The following CPNE3 variants were observed in gnomAD, a reference collection of about 807,000 sequenced individuals.
CPNE3 encodes the protein copine-3.
A neutral mutation model predicts 63.9 loss-of-function variants in CPNE3; 68 were observed. The observed-to-expected ratio is 1.06, with a 90% CI of 0.87 to 1.30. The LOEUF (loss-of-function observed/expected upper bound fraction) is 1.30. Ranked by LOEUF, CPNE3 falls within the 50% of genes most tolerant of loss-of-function variation. The pLI is 0.00. For synonymous variants in CPNE3, 219 were observed against 197.5 expected, an observed-to-expected ratio of 1.11 and a Z score of -0.91; for missense variants, 665 against 578.1, an observed-to-expected ratio of 1.15 and a Z score of -1.54.
At chr8:86,552,435 G>A (rs1821203008) in intron 14 of CPNE3, among the ~76,000 whole-genome samples, 1 of 152,122 alleles carries the variant, frequency 6.6e-6, no homozygotes, top group African/African-American at 2.4e-5. Context: ...TTTTTATAAT[G>A]AAAGTGGATA....
chr8:86,546,321 T>C (rs1446921122), intron 9 of CPNE3, among the ~76,000 whole-genome samples: 2 of 152,134 alleles, frequency 1.3e-5, no homozygotes, highest in African/African-American at 4.8e-5. Flanking sequence ...CCTTGGAACA[T>C]TTGCAAGGAA....
chr8:86,527,053 T>C (rs1310975385), intron 2 of CPNE3, among the ~76,000 whole-genome samples: 2 of 152,204 alleles, frequency 1.3e-5, no homozygotes, highest in Admixed American at 6.5e-5. Context: ...GCTTAGGCAT[T>C]TTATACAGCA....
intron 6 of CPNE3, among the ~76,000 whole-genome samples, chr8:86,533,061 T>G (rs1820719785): frequency 6.6e-6 from 1 of 151,646 alleles, no homozygotes; most frequent in African/African-American, 2.4e-5. Flanking sequence ...TCTATCTATC[T>G]ATCTATCTTT....
Position 86,558,496 on chromosome 8 carries a change from A to G in CPNE3, c.*86A>G, listed in dbSNP as rs1821371442. 3.6e-6 allele frequency: 3 copies of G among 843,460 alleles called. No individual in the cohort carries two copies. Among genetic ancestry groups the G allele is most frequent in the South Asian group, 2.7e-5 (2 of 74,776 alleles). 52.2% of individuals were successfully genotyped at this position (843,460 alleles called of 1,614,324 possible). On this transcript the variant is annotated 3_prime_UTR_variant, in exon 17 of 17. Transcript: ENST00000517490. ...GTATCTGTCATTCTACGTACTTTTT[A>G]CCCCCAGCATTTATGATGTAAATCT...
chr8:86,532,615 A>G (rs1335495779), intron 6 of CPNE3, 35 bp downstream of exon 6: 1 of 1,550,604 alleles, frequency 6.4e-7, no homozygotes, highest in Admixed American at 1.9e-5. Context: ...AAAGGTTGTC[A>G]TGTTTTGCCT....
intron 8 of CPNE3, among the ~76,000 whole-genome samples, chr8:86,543,310 G>A (rs905439611): frequency 3.3e-5 from 5 of 151,972 alleles, no homozygotes; most frequent in African/African-American, 4.8e-5. Context: ...TGAAATTCTC[G>A]GTCTTGACTG....
chr8:86,534,733 T>C (rs1586836717), intron 6 of CPNE3, among the ~76,000 whole-genome samples: 1 of 152,316 alleles, frequency 6.6e-6, no homozygotes, highest in East Asian at 1.9e-4. Flanking sequence ...CAAGAATCTT[T>C]CTATAGAGAG....
At position 86,548,419 on chromosome 8, in the gene CPNE3, T is replaced by A. The variant is rs200604331; in HGVS notation, c.998T>A (p.Ile333Asn). The A allele has an allele frequency of 1.9e-6, 3 of 1,614,146 alleles. No individual in the cohort carries two copies. In the African/African-American group the frequency reaches 4.0e-5, roughly 22 times the overall value. ...LTALWSVGLV[I>N]QDYDADKMFP... ...GCTCTCTGGTCTGTGGGACTGGTCATTCAAGATTATGATGCGTGAGTATGA... is the reference window on the plus strand; with the variant it reads ...GCTCTCTGGTCTGTGGGACTGGTCAATCAAGATTATGATGCGTGAGTATGA... Residue 333 changes from isoleucine to asparagine, a missense_variant, in exon 12 of 17, where the codon ATT becomes AAT. Physicochemically the swap from Ile to Asn is moderately radical, Grantham distance 149 (BLOSUM62 -3). Transcript: ENST00000517490.
chr8:86,544,437 T>G (rs1821005370), intron 8 of CPNE3, among the ~76,000 whole-genome samples: 1 of 152,328 alleles, frequency 6.6e-6, no homozygotes, highest in East Asian at 1.9e-4. Flanking sequence ...TTATCAGCAC[T>G]TATAGAAGGC....
At chr8:86,519,488 C>A (rs1820385116) in intron 2 of CPNE3, among the ~76,000 whole-genome samples, 2 of 152,132 alleles carry the variant, frequency 1.3e-5, no homozygotes, top group South Asian at 4.1e-4. Context: ...TGAAGTGTGG[C>A]TAAAAGCTGA....
rs869225401 is a variant in CPNE3, at chr8:86,527,946, ATTTTT to A, written c.-10-569_-10-565del. Among the ~76,000 whole-genome samples the A allele has an allele frequency of 1.3e-4, 11 of 85,964 alleles. 1 individual carries two copies. The highest frequency in any genetic ancestry group is 6.6e-4 in the East Asian group (2 of 3,042). 56.4% of individuals were successfully genotyped at this position (85,964 alleles called of 152,430 possible). A position where few individuals can be genotyped will look rare whatever the true frequency, so the allele number is the denominator to read the frequency against. Reference sequence around the variant, plus strand: ...AAATTTATAGTTAAGGTAAAAAGAAATTTTTTTTTTTTTTTTTTTTTTTTTAGACA... The same window carrying A: ...AAATTTATAGTTAAGGTAAAAAGAAATTTTTTTTTTTTTTTTTTTTAGACA... On this transcript the variant is annotated intron_variant, in intron 2 of 16. Coordinates refer to ENST00000517490, the MANE Select transcript of CPNE3 (RefSeq NM_003909.5).
At chr8:86,527,474 A>G (rs1022250070) in intron 2 of CPNE3, among the ~76,000 whole-genome samples, 3 of 152,158 alleles carry the variant, frequency 2.0e-5, no homozygotes, top group Admixed American at 6.6e-5. Flanking sequence ...GGTCTATGGA[A>G]GTTAAGCTAA....
At position 86,514,671 on chromosome 8, in the gene CPNE3, G is replaced by C. The variant is rs915089915; in HGVS notation, c.-49+130G>C. ...AGGCTCCGTGCGGCAGGTCCCGCCG[G>C]GCCCTGCTGCTGGAAGTGCTCCGTG... On this transcript the variant is annotated intron_variant, in intron 1 of 16. Coordinates refer to ENST00000517490, the MANE Select transcript of CPNE3 (RefSeq NM_003909.5). 2.6e-5 allele frequency: 4 copies of C among 152,194 alleles called. No individual in the cohort carries two copies. In the South Asian group the frequency reaches 6.2e-4, roughly 24 times the overall value. 9.4% of individuals were successfully genotyped at this position (152,194 alleles called of 1,614,324 possible). A position where few individuals can be genotyped will look rare whatever the true frequency, so the allele number is the denominator to read the frequency against.
At chr8:86,540,519 A>T (rs1820914530) in intron 8 of CPNE3, among the ~76,000 whole-genome samples, 185 bp downstream of exon 8, 1 of 152,226 alleles carries the variant, frequency 6.6e-6, no homozygotes, top group Admixed American at 6.5e-5. Flanking sequence ...TTTGAGGAGT[A>T]GGCATGTTTG....
intron 2 of CPNE3, among the ~76,000 whole-genome samples, chr8:86,515,842 G>A (rs1026583018): frequency 2.6e-5 from 4 of 152,202 alleles, no homozygotes; most frequent in South Asian, 2.1e-4. Flanking sequence ...CAGCAAACTA[G>A]CTCTCTGTGT....
At chr8:86,556,836 C>A (rs1403240225) in intron 16 of CPNE3, among the ~76,000 whole-genome samples, 1 of 152,168 alleles carries the variant, frequency 6.6e-6, no homozygotes, top group Non-Finnish European at 1.5e-5. Context: ...CCTTCCTTAA[C>A]CTTGGAAACC....
intron 7 of CPNE3, 107 bp downstream of exon 7, chr8:86,537,753 T>A (rs1417694171): frequency 2.8e-6 from 2 of 712,590 alleles, no homozygotes; most frequent in African/African-American, 3.6e-5. Flanking sequence ...AGTTCATACT[T>A]ACATATAGCC....
At chr8:86,537,236 T>C (rs1430411414) in intron 6 of CPNE3, among the ~76,000 whole-genome samples, 2 of 152,202 alleles carry the variant, frequency 1.3e-5, no homozygotes, top group Non-Finnish European at 2.9e-5. Context: ...CTCAGTGATA[T>C]GTGAATGAAA....
chr8:86,528,716 A>G (rs908523726), intron 3 of CPNE3, 39 bp downstream of exon 3: 7 of 1,566,238 alleles, frequency 4.5e-6, no homozygotes, highest in Non-Finnish European at 6.0e-6. Context: ...AATCTGAATT[A>G]CCCTTTTAAC....
Sources: gnomAD v4.1 joint callset for allele counts (sites outside exome capture counted in the v4.1 genomes callset) on GRCh38, gnomAD v4.1.1 for gene constraint, MANE v1.5 for transcripts, NCBI Gene and HGNC (gene_info 2026-07-23, HGNC 2026-07-21) for gene names.